The following FBXO34 variants were observed in gnomAD, a reference collection of about 807,000 sequenced individuals.
The protein encoded by FBXO34 is F-box protein 34, also known as F-box only protein 34.
Under a neutral mutation model 24.5 loss-of-function variants are expected in FBXO34, and 12 were observed. That is an observed-to-expected ratio of 0.49 (90% confidence interval 0.31 to 0.79). The LOEUF is 0.79. Ranked by LOEUF, FBXO34 falls within the 30% of genes least tolerant of loss-of-function variation. The pLI is 0.04. For missense variants in FBXO34, 823 were observed against 857.7 expected (o/e 0.96, Z 0.51); for synonymous variants, 320 against 311.9 (o/e 1.03, Z -0.27).
At position 55,352,288 on chromosome 14, in the gene FBXO34, A is replaced by T. The variant is rs377547174; in HGVS notation, c.1898A>T (p.Lys633Ile). The change falls in exon 2 of 2, where the codon AAA becomes ATA. Residue 633 changes from lysine (K) to isoleucine (I), a missense_variant. Physicochemically the swap from Lys to Ile is moderately radical, Grantham distance 102. Around this residue, in one of 2 missense-constraint regions of FBXO34, gnomAD observed 130 missense variants for 198.6 expected, o/e 0.65. Transcript: ENST00000313833. ...CCACGCTATAGAGAGGATCCTTGCAAACAGTGCAAGAAAAAGTATGTGAAA... is the reference window on the plus strand; with the variant it reads ...CCACGCTATAGAGAGGATCCTTGCATACAGTGCAAGAAAAAGTATGTGAAA... ...RDPRYREDPCKQCKKKYVKGD... is the reference protein window; with the variant it reads ...RDPRYREDPCIQCKKKYVKGD... 2.5e-6 allele frequency: 4 copies of T among 1,614,096 alleles called. No individual in the cohort carries two copies. In the African/African-American group the frequency reaches 5.3e-5, roughly 22 times the overall value.
the FBXO34 span, among the ~76,000 whole-genome samples, chr14:55,376,944 T>C: frequency 6.6e-6 from 1 of 152,216 alleles, no homozygotes; most frequent in Admixed American, 6.5e-5. Flanking sequence ...CCCTGGTTGG[T>C]ATTTTTTGTT....
At chr14:55,398,414 A>G in the FBXO34 span, among the ~76,000 whole-genome samples, 33 of 151,558 alleles carry the variant, frequency 2.2e-4, no homozygotes, top group Non-Finnish European at 4.3e-4. Flanking sequence ...GAAGTTTAAA[A>G]TCTCCTTCTA....
intron 1 of FBXO34, among the ~76,000 whole-genome samples, chr14:55,313,265 C>T (rs758982418): frequency 2.6e-5 from 4 of 152,166 alleles, no homozygotes; most frequent in Non-Finnish European, 5.9e-5. Flanking sequence ...CACCTTTATT[C>T]CAGTTCTCAA....
intron 1 of FBXO34, among the ~76,000 whole-genome samples, chr14:55,293,890 T>C (rs929914754): frequency 6.6e-6 from 1 of 152,086 alleles, no homozygotes. Flanking sequence ...GAGAGGGATA[T>C]AGAAACTTAA....
At chr14:55,317,404 C>T (rs1043443741) in intron 1 of FBXO34, among the ~76,000 whole-genome samples, 1 of 151,996 alleles carries the variant, frequency 6.6e-6, no homozygotes, top group Non-Finnish European at 1.5e-5. Context: ...CCCTTGAGCC[C>T]GGGAAGGCAG....
intron 1 of FBXO34, among the ~76,000 whole-genome samples, chr14:55,272,869 T>C (rs1881203876): frequency 6.6e-6 from 1 of 152,168 alleles, no homozygotes; most frequent in East Asian, 1.9e-4. Flanking sequence ...AACTAAAATT[T>C]TGTCTGTAGT....
intron 1 of FBXO34, among the ~76,000 whole-genome samples, chr14:55,344,898 A>G (rs1485539150): frequency 1.3e-5 from 2 of 152,060 alleles, no homozygotes; most frequent in African/African-American, 2.4e-5. Flanking sequence ...CACGTATAAC[A>G]TTTGTTGTAA....
intron 1 of FBXO34, chr14:55,298,621 G>A (rs961442649): frequency 2.1e-5 from 26 of 1,256,910 alleles, no homozygotes; most frequent in South Asian, 4.1e-5. Flanking sequence ...CGGAGCGGGC[G>A]TTGAAGGCTG....
intron 3 of FBXO34, among the ~76,000 whole-genome samples, chr14:55,359,057 G>A (rs534887951): frequency 3.3e-5 from 5 of 152,178 alleles, no homozygotes; most frequent in Non-Finnish European, 5.9e-5. Flanking sequence ...GGAGACCACC[G>A]ATGCACCACT....
At chr14:55,403,344 G>A in the FBXO34 span, among the ~76,000 whole-genome samples, 3 of 151,988 alleles carry the variant, frequency 2.0e-5, 1 homozygote, top group East Asian at 5.8e-4. Context: ...CACAAAAAGA[G>A]ACTGAGGGAT....
At chr14:55,426,112 C>A in the FBXO34 span, among the ~76,000 whole-genome samples, 1 of 151,756 alleles carries the variant, frequency 6.6e-6, no homozygotes, top group Non-Finnish European at 1.5e-5. Context: ...ACTAAAAATA[C>A]AAAAATTAGC....
intron 1 of FBXO34, among the ~76,000 whole-genome samples, chr14:55,287,833 A>G (rs1218171725): frequency 6.6e-6 from 1 of 152,218 alleles, no homozygotes; most frequent in African/African-American, 2.4e-5. Context: ...TTTGTTATGA[A>G]TGCATGCTGC....
chr14:55,439,364 A>G, the FBXO34 span, among the ~76,000 whole-genome samples: 3 of 151,528 alleles, frequency 2.0e-5, no homozygotes, highest in Non-Finnish European at 4.4e-5. Context: ...CTTGACTTCT[A>G]GAGGGAGGCC....
intron 1 of FBXO34, among the ~76,000 whole-genome samples, chr14:55,276,206 C>T (rs74788661): frequency 0.058 from 8,840 of 152,248 alleles, 328 homozygotes; most frequent in South Asian, 0.09. Context: ...TTGGGAAATA[C>T]GCAAGCCTCT....
At chr14:55,327,922 T>TG (rs1883401332) in intron 1 of FBXO34, among the ~76,000 whole-genome samples, 1 of 60,056 alleles carries the variant, frequency 1.7e-5, no homozygotes, top group Admixed American at 1.6e-4. Flanking sequence ...TTTTTTTTTT[T>TG]TTTTTTTTTT....
At chr14:55,317,834 C>T (rs1441769645) in intron 1 of FBXO34, among the ~76,000 whole-genome samples, 4 of 152,176 alleles carry the variant, frequency 2.6e-5, no homozygotes, top group Non-Finnish European at 4.4e-5. Context: ...CACCTTACAT[C>T]GTGATCCCTG....
the FBXO34 span, chr14:55,413,548 G>T: frequency 4.9e-6 from 2 of 405,796 alleles, no homozygotes; most frequent in South Asian, 4.6e-5. Flanking sequence ...AATTTTTTTT[G>T]ACACCTATTA....
chr14:55,397,303 C>T, the FBXO34 span: 1 of 1,300,332 alleles, frequency 7.7e-7, no homozygotes, highest in Non-Finnish European at 1.1e-6. Flanking sequence ...CTGCATACCA[C>T]AGCACTGAAT....
At chr14:55,387,580 G>A in the FBXO34 span, among the ~76,000 whole-genome samples, 1 of 152,126 alleles carries the variant, frequency 6.6e-6, no homozygotes, top group Non-Finnish European at 1.5e-5. Flanking sequence ...AAACGTACCT[G>A]ATAAATGTCC....
Sources: gnomAD v4.1 joint callset for allele counts (sites outside exome capture counted in the v4.1 genomes callset) on GRCh38, gnomAD v4.1.1 for gene constraint, gnomAD v4.1.1 regional missense constraint, MANE v1.5 for transcripts, NCBI Gene and HGNC (gene_info 2026-07-23, HGNC 2026-07-21) for gene names.